Variants in TSHZ1 observed in about 807,000 individuals in gnomAD.
TSHZ1 encodes the protein teashirt homolog 1.
TSHZ1 carries 12 observed loss-of-function variants against 67.1 expected under a neutral mutation model. The observed-to-expected ratio is 0.18, with a 90% CI of 0.11 to 0.29. TSHZ1 has a LOEUF of 0.29. Among genes scored for constraint, TSHZ1 ranks in the 10% least tolerant of loss-of-function variants. The pLI, the probability that TSHZ1 is intolerant of heterozygous loss-of-function variation, is 1.00. For missense variants in TSHZ1, 1,305 were observed against 1,413.9 expected, an observed-to-expected ratio of 0.92 and a Z score of 1.23; for synonymous variants, 632 against 622.4, an observed-to-expected ratio of 1.02 and a Z score of -0.23.
At chr18:75,240,229 C>G (rs1050223930) in intron 1 of TSHZ1, among the ~76,000 whole-genome samples, 1 of 151,780 alleles carries the variant, frequency 6.6e-6, no homozygotes, top group Non-Finnish European at 1.5e-5. Flanking sequence ...TAAAGGCTGC[C>G]CTCTCTCTCT....
Position 75,270,994 on chromosome 18 carries a change from C to T in TSHZ1, c.41-14454C>T, listed in dbSNP as rs548922072. Among the ~76,000 whole-genome samples, 5 of 152,254 alleles carry T rather than the reference C, an allele frequency of 3.3e-5. No individual in the cohort carries two copies. In the East Asian group the frequency reaches 9.6e-4, roughly 29 times the overall value. ...AGGACCTGTGCTTGCTTCAGCTGGT[C>T]TCAGTAAGAGACTTTCCTGCAGAAA... On this transcript the variant is annotated intron_variant, in intron 1 of 1. Coordinates refer to ENST00000580243, the MANE Select transcript of TSHZ1 (RefSeq NM_001308210.2).
At position 75,232,577 on chromosome 18, in the gene TSHZ1, A is replaced by G. The variant is rs187055451; in HGVS notation, c.40+20661A>G. Among the ~76,000 whole-genome samples the G allele has an allele frequency of 1.4e-4, 21 of 152,310 alleles. 1 individual carries two copies. The highest frequency in any genetic ancestry group is 1.2e-3 in the East Asian group (6 of 5,182). On this transcript the variant is annotated intron_variant, in intron 1 of 1. Transcript: ENST00000580243. ...GGTCTGAAACACGTCCTTTTGACAG[A>G]TAGTTCTGCACATTGGAAAAGAGAG...
Position 75,256,674 on chromosome 18 carries a change from G to C in TSHZ1, c.41-28774G>C, listed in dbSNP as rs2023365003. Among the ~76,000 whole-genome samples the C allele has an allele frequency of 3.3e-5, 5 of 152,236 alleles. No individual in the cohort carries two copies. In the South Asian group the frequency reaches 1.0e-3, roughly 32 times the overall value. On this transcript the variant is annotated intron_variant, in intron 1 of 1. Transcript: ENST00000580243. The stretch of plus-strand genomic sequence containing the variant: ...ATGAATTAGATGAAAGAAATGTGGG[G>C]AAAAATCTCATTTCTTCTTTAAATT...
chr18:75,220,623 A>G (rs890810143), intron 1 of TSHZ1, among the ~76,000 whole-genome samples: 3 of 152,276 alleles, frequency 2.0e-5, no homozygotes, highest in African/African-American at 4.8e-5. Context: ...AAACTAAAAC[A>G]TTAAGGTGAA....
intron 1 of TSHZ1, among the ~76,000 whole-genome samples, chr18:75,231,355 A>G (rs1446449391): frequency 1.3e-5 from 2 of 152,140 alleles, no homozygotes; most frequent in African/African-American, 2.4e-5. Context: ...GGTCATTTCC[A>G]CAGTTGCTTG....
Position 75,286,053 on chromosome 18 carries a change from C to G in TSHZ1, c.646C>G (p.Leu216Val). 3.1e-6 allele frequency: 5 copies of G among 1,613,452 alleles called. No individual in the cohort carries two copies. The highest frequency in any genetic ancestry group is 4.2e-6 in the Non-Finnish European group (5 of 1,179,820). ...GCTGCAGCAGACGTCCTCGTATGGG[C>G]TGCTTCCTGAGCCCAGCCTGTTCAG... ...KTLQQTSSYG[L>V]LPEPSLFSTV... Residue 216 changes from leucine to valine, a missense_variant, in exon 2 of 2, where the codon CTG becomes GTG. This residue lies in a region of TSHZ1 where 358 missense variants were observed against 375.6 expected (regional missense o/e 0.95). Coordinates refer to ENST00000580243, the MANE Select transcript of TSHZ1 (RefSeq NM_001308210.2). The surrounding 1 kb of genome is among the most constrained non-coding windows in gnomAD (Gnocchi z 5.1).
rs150497213 is a variant in TSHZ1 at position 75,257,734 on chromosome 18, C to T, written c.41-27714C>T. 1.1e-4 allele frequency among the ~76,000 whole-genome samples: 17 copies of T among 152,196 alleles called. No individual in the cohort carries two copies. The East Asian group carries it at 1.4e-3, about 12-fold the overall frequency. ...GAAGCATCAGGCCAGAATGTTTGTA[C>T]GCGCCCTTCCTCCTCCTCATGGATT... On this transcript the variant is annotated intron_variant, in intron 1 of 1. Coordinates refer to ENST00000580243, the MANE Select transcript of TSHZ1 (RefSeq NM_001308210.2).
intron 1 of TSHZ1, among the ~76,000 whole-genome samples, chr18:75,250,001 A>T (rs1328383273): frequency 7.6e-6 from 1 of 131,668 alleles, no homozygotes; most frequent in African/African-American, 3.0e-5. Flanking sequence ...TCCTCATCTC[A>T]CCCCTGCAGT....
chr18:75,285,486 G>C lies in TSHZ1; in HGVS notation c.79G>C (p.Asp27His). 6.6e-7 allele frequency: 1 copy of C among 1,510,944 alleles called. No individual in the cohort carries two copies. The highest frequency in any genetic ancestry group is 1.4e-5 in the African/African-American group (1 of 71,844). The allele number at this position is 1,510,944 out of a possible 1,614,324, so 93.6% of individuals were successfully genotyped here. The change falls in exon 2 of 2, where the codon GAT becomes CAT. Residue 27 changes from aspartate to histidine, a missense_variant. Physicochemically the swap from Asp to His is moderately conservative, Grantham distance 81. This residue lies in a region of TSHZ1 where 358 missense variants were observed against 375.6 expected (regional missense o/e 0.95). Coordinates refer to ENST00000580243, the MANE Select transcript of TSHZ1 (RefSeq NM_001308210.2). ...PEEELKAAEI[D>H]EEHVEDDGLS... ...GGAAGAATTGAAGGCAGCAGAAATA[G>C]ATGAAGAGCACGTGGAGGATGACGG...
intron 1 of TSHZ1, among the ~76,000 whole-genome samples, chr18:75,230,734 C>G (rs1052040915): frequency 1.3e-5 from 2 of 152,176 alleles, no homozygotes; most frequent in Non-Finnish European, 2.9e-5. Flanking sequence ...CCCGATTCCC[C>G]TGACTTCCCC....
intron 1 of TSHZ1, among the ~76,000 whole-genome samples, chr18:75,227,604 G>T (rs990479984): frequency 3.3e-5 from 5 of 152,174 alleles, no homozygotes; most frequent in African/African-American, 1.2e-4. Flanking sequence ...GTTTTGCATT[G>T]TAATCATGTG....
intron 1 of TSHZ1, among the ~76,000 whole-genome samples, chr18:75,264,784 A>T (rs1312286253): frequency 6.6e-6 from 1 of 152,196 alleles, no homozygotes; most frequent in East Asian, 1.9e-4. Context: ...GTTTATTCTT[A>T]AACTTTAGTG....
chr18:75,287,422 C>G lies in TSHZ1; in HGVS notation c.2015C>G (p.Pro672Arg). Residue 672 changes from proline to arginine, a missense_variant, in exon 2 of 2, where the codon CCC becomes CGC. By Grantham distance (103) the Pro-to-Arg change is moderately radical (BLOSUM62 -2). Coordinates refer to ENST00000580243, the MANE Select transcript of TSHZ1 (RefSeq NM_001308210.2). This position sits in a 1 kb window ranked among gnomAD's most constrained non-coding sequence, Gnocchi z 5.0. ...EKSSLAKAAS[P>R]IAKENKDFPK... ...AGCTCCCTGGCCAAGGCTGCGTCCCCCATAGCAAAAGAGAATAAAGATTTC... is the reference window on the plus strand; with the variant it reads ...AGCTCCCTGGCCAAGGCTGCGTCCCGCATAGCAAAAGAGAATAAAGATTTC... 6.2e-7 allele frequency: 1 copy of G among 1,614,164 alleles called. No individual in the cohort carries two copies. Among genetic ancestry groups the G allele is most frequent in the South Asian group, 1.1e-5 (1 of 91,080 alleles).
At chr18:75,250,322 C>CA (rs966236753) in intron 1 of TSHZ1, among the ~76,000 whole-genome samples, 1 of 152,222 alleles carries the variant, frequency 6.6e-6, no homozygotes, top group African/African-American at 2.4e-5. Flanking sequence ...ACCCTCGCCC[C>CA]ACTTGCCCAG....
intron 1 of TSHZ1, among the ~76,000 whole-genome samples, chr18:75,260,070 C>T (rs1347221727): frequency 3.3e-5 from 5 of 152,090 alleles, no homozygotes; most frequent in East Asian, 3.9e-4. Context: ...ATGATTCAGC[C>T]GTTCTTTTCC....
At chr18:75,250,008 CA>C (rs2023278191) in intron 1 of TSHZ1, among the ~76,000 whole-genome samples, 2 of 148,660 alleles carry the variant, frequency 1.3e-5, no homozygotes, top group African/African-American at 5.0e-5. Flanking sequence ...CTCACCCCTG[CA>C]GTAGGTGGAG....
chr18:75,237,440 T>C (rs573353370), intron 1 of TSHZ1, among the ~76,000 whole-genome samples: 6 of 152,270 alleles, frequency 3.9e-5, no homozygotes, highest in South Asian at 4.1e-4. Context: ...GAGGATCACT[T>C]GAGCCCATAA....
chr18:75,270,608 G>GA (rs1568365331), intron 1 of TSHZ1, among the ~76,000 whole-genome samples: 1 of 152,112 alleles, frequency 6.6e-6, no homozygotes, highest in East Asian at 1.9e-4. Flanking sequence ...ATTGCCACTG[G>GA]AAAAAAATTG....
At chr18:75,262,565 T>C (rs1467837829) in intron 1 of TSHZ1, among the ~76,000 whole-genome samples, 2 of 152,114 alleles carry the variant, frequency 1.3e-5, no homozygotes, top group Admixed American at 6.6e-5. Flanking sequence ...CCTGAGAAAA[T>C]AGTATTTATT....
Sources: gnomAD v4.1 joint callset for allele counts (sites outside exome capture counted in the v4.1 genomes callset) on GRCh38, gnomAD v4.1.1 for gene constraint, gnomAD v4.1.1 regional missense constraint, Gnocchi (gnomAD v3.1) non-coding constraint, MANE v1.5 for transcripts, NCBI Gene and HGNC (gene_info 2026-07-23, HGNC 2026-07-21) for gene names.